COL4A5: variants seen among roughly 807,000 people sequenced by gnomAD.
COL4A5 encodes the protein collagen alpha-5(IV) chain.
In COL4A5, 26 loss-of-function variants were observed where a neutral mutation model predicts 130.2. That is an observed-to-expected ratio of 0.20 (90% CI 0.15 to 0.28). The LOEUF is 0.28. Ranked by LOEUF, COL4A5 falls within the 10% of genes least tolerant of loss-of-function variation. The probability of loss-of-function intolerance (pLI) is 1.00; values close to 1 mark genes in which losing one functional copy is unlikely to be tolerated. For missense variants in COL4A5, 1,131 were observed against 1,344.3 expected, an observed-to-expected ratio of 0.84 and a Z score of 2.48; for synonymous variants, 496 against 439.6, an observed-to-expected ratio of 1.13 and a Z score of -1.60.
chrX:108,578,817 T>C (rs1003506689), intron 13 of COL4A5, among the ~76,000 whole-genome samples: 1 of 109,097 alleles, frequency 9.2e-6, no homozygotes, highest in African/African-American at 3.3e-5. Context: ...GTAGCTGGGA[T>C]TACAGGTGCC....
chrX:108,472,065 T>G (rs2064777094), intron 1 of COL4A5, among the ~76,000 whole-genome samples: 1 of 111,891 alleles, frequency 8.9e-6, no homozygotes, highest in Non-Finnish European at 1.9e-5. Flanking sequence ...TTAAGTATTT[T>G]CTAATTAGTT....
intron 9 of COL4A5, among the ~76,000 whole-genome samples, chrX:108,574,669 A>G (rs764280117): frequency 9.6e-4 from 108 of 112,466 alleles, no homozygotes; most frequent in African/African-American, 3.3e-3. Flanking sequence ...TCTACTTGAT[A>G]TGCTAAGATT....
At chrX:108,488,179 A>G (rs1911583002) in intron 1 of COL4A5, among the ~76,000 whole-genome samples, 1 of 112,651 alleles carries the variant, frequency 8.9e-6, no homozygotes, top group Admixed American at 9.3e-5. Context: ...ATACACAAGC[A>G]CAGGCACTTG....
At chrX:108,690,378 A>G (rs1378875218) in intron 49 of COL4A5, among the ~76,000 whole-genome samples, 1 of 111,563 alleles carries the variant, frequency 9.0e-6, no homozygotes, top group Non-Finnish European at 1.9e-5. Context: ...AACCTAGGGA[A>G]TTTTTTAAGA....
chrX:108,526,665 T>TTC (rs2065325661), intron 1 of COL4A5, among the ~76,000 whole-genome samples: 3 of 55,109 alleles, frequency 5.4e-5, no homozygotes, highest in African/African-American at 1.9e-4. Context: ...TCTTTCTTCT[T>TTC]TCTTTCTCTT....
At chrX:108,659,945 G>A (rs111258016) in intron 37 of COL4A5, among the ~76,000 whole-genome samples, 1 of 110,330 alleles carries the variant, frequency 9.1e-6, no homozygotes, top group African/African-American at 3.3e-5. Context: ...CTCCTCCTTT[G>A]TCCCTGGTTT....
chrX:108,681,089 C>G, intron 46 of COL4A5, 133 bp downstream of exon 46: 2 of 521,392 alleles, frequency 3.8e-6, no homozygotes, highest in Non-Finnish European at 6.6e-6. Flanking sequence ...AAACAAGGCT[C>G]TGCCTTTATT....
chrX:108,644,680 A>T (rs1232494857), intron 36 of COL4A5, among the ~76,000 whole-genome samples: 1 of 111,414 alleles, frequency 9.0e-6, no homozygotes, highest in Non-Finnish European at 1.9e-5. Context: ...TGGGCAGATC[A>T]CCTGAGGTCA....
At chrX:108,618,272 TATA>T (rs2066971132) in intron 30 of COL4A5, among the ~76,000 whole-genome samples, 1 of 111,283 alleles carries the variant, frequency 9.0e-6, no homozygotes, top group African/African-American at 3.3e-5. Flanking sequence ...GGAAGTATAG[TATA>T]ATGTCTGTTA....
At chrX:108,496,328 C>T (rs2065034124) in intron 1 of COL4A5, among the ~76,000 whole-genome samples, 1 of 111,685 alleles carries the variant, frequency 9.0e-6, no homozygotes, top group South Asian at 3.7e-4. Flanking sequence ...TATGTTAATA[C>T]TTGGAAGTGT....
At chrX:108,526,669 T>C (rs866443202) in intron 1 of COL4A5, among the ~76,000 whole-genome samples, 27 of 46,456 alleles carry the variant, frequency 5.8e-4, no homozygotes, top group African/African-American at 2.5e-3. Context: ...TCTTCTTTCT[T>C]TCTCTTTCTT....
At chrX:108,568,872 TA>T in intron 6 of COL4A5, 51 bp downstream of exon 6, 1 of 1,031,973 alleles carries the variant, frequency 9.7e-7, no homozygotes, top group Non-Finnish European at 1.4e-6. Context: ...ATAATTAACT[TA>T]AAAACCTAAA....
At chrX:108,610,322 A>G (rs776737877) in intron 29 of COL4A5, among the ~76,000 whole-genome samples, 11 of 111,611 alleles carry the variant, frequency 9.9e-5, no homozygotes, top group Non-Finnish European at 1.9e-4. Context: ...ATTGATTTCT[A>G]TTAAAGCAGT....
intron 36 of COL4A5, 99 bp downstream of exon 36, chrX:108,626,448 T>C: frequency 8.5e-7 from 1 of 1,170,667 alleles, no homozygotes; most frequent in Non-Finnish European, 1.2e-6. Flanking sequence ...AACTATAGAA[T>C]GACATAGTAT....
At position 108,606,647 on chromosome X, in the gene COL4A5, G is replaced by A. The variant is rs970242723; in HGVS notation, c.2245-95G>A. 7 of 956,401 alleles carry A rather than the reference G, an allele frequency of 7.3e-6. No homozygotes were observed. In the African/African-American group the frequency reaches 1.2e-4, roughly 16 times the overall value. The allele number at this position is 956,401 out of a possible 1,213,427, so 78.8% of individuals were successfully genotyped here. ...CTCCCCCCATGGAAGGAAAAGTATT[G>A]TCTTGTATTTTCGGCATTAAATTCT... On this transcript the variant is annotated intron_variant, in intron 28 of 52. Transcript: ENST00000328300.
intron 4 of COL4A5, among the ~76,000 whole-genome samples, chrX:108,568,385 T>G (rs964406716): frequency 7.2e-5 from 8 of 111,854 alleles, no homozygotes; most frequent in African/African-American, 2.3e-4. Flanking sequence ...CTGCTCCTAA[T>G]AAGTGCAATG....
chrX:108,605,537 A>G (rs1449834901), intron 28 of COL4A5, among the ~76,000 whole-genome samples: 2 of 112,389 alleles, frequency 1.8e-5, no homozygotes, highest in African/African-American at 6.5e-5. Context: ...AGTTTGGAAT[A>G]TTGTGACAAT....
intron 1 of COL4A5, among the ~76,000 whole-genome samples, chrX:108,481,884 T>C (rs1348599474): frequency 9.0e-6 from 1 of 111,415 alleles, no homozygotes; most frequent in African/African-American, 3.3e-5. Context: ...CCAGCTGGGA[T>C]GAGTAGGTCT....
At chrX:108,454,614 G>T (rs1408054448) in intron 1 of COL4A5, among the ~76,000 whole-genome samples, 1 of 111,135 alleles carries the variant, frequency 9.0e-6, no homozygotes, top group African/African-American at 3.3e-5. Flanking sequence ...TTGCTACTTA[G>T]TAATGGAAAT....
Sources: gnomAD v4.1 joint callset for allele counts (sites outside exome capture counted in the v4.1 genomes callset) on GRCh38, gnomAD v4.1.1 for gene constraint, MANE v1.5 for transcripts, NCBI Gene and HGNC (gene_info 2026-07-23, HGNC 2026-07-21) for gene names.